The following SMIM19 variants were observed in gnomAD, a reference collection of about 807,000 sequenced individuals.
The protein encoded by SMIM19 is small integral membrane protein 19, also known as UPF0697 protein C8orf40.
In SMIM19, 6 loss-of-function variants were observed where a neutral mutation model predicts 13.2. The ratio of observed to expected loss-of-function variants is 0.45; its 90% confidence interval spans 0.25 to 0.90. The LOEUF (loss-of-function observed/expected upper bound fraction) is 0.90. SMIM19 is among the 40% of genes least tolerant of loss of function. The pLI, the probability that SMIM19 is intolerant of heterozygous loss-of-function variation, is 0.19. For missense variants in SMIM19, 138 were observed against 131.0 expected (o/e 1.05, Z -0.26); for synonymous variants, 46 against 43.1 (o/e 1.07, Z -0.27).
At chr8:42,546,408 T>C in intron 1 of SMIM19, 61 bp from the exon 2 acceptor site, 1 of 1,520,074 alleles carries the variant, frequency 6.6e-7, no homozygotes, top group Middle Eastern at 1.8e-4. Flanking sequence ...TGCCAACCCT[T>C]CTCCAGACAG....
At chr8:42,542,682 T>A (rs1413008507) in intron 1 of SMIM19, among the ~76,000 whole-genome samples, 2 of 151,972 alleles carry the variant, frequency 1.3e-5, no homozygotes, top group Non-Finnish European at 2.9e-5. Flanking sequence ...AGTTCTCGGC[T>A]GGGCACGGTG....
chr8:42,548,122 G>A (rs982009767), intron 2 of SMIM19, among the ~76,000 whole-genome samples: 2 of 152,148 alleles, frequency 1.3e-5, no homozygotes, highest in South Asian at 2.1e-4. Flanking sequence ...GCAGGTGACC[G>A]CTTTCCTCTA....
chr8:42,548,656 G>A lies in SMIM19; in HGVS notation c.135G>A (p.Arg45=), dbSNP rs767639510. 2 of 1,613,298 alleles carry A rather than the reference G, an allele frequency of 1.2e-6. No homozygotes were observed. Among genetic ancestry groups the A allele is most frequent in the African/African-American group, 1.3e-5 (1 of 74,876 alleles). The change falls in exon 3 of 4, where the codon AGG becomes AGA. Residue 45 remains arginine (R), a splice_region_variant and synonymous_variant. Coordinates refer to ENST00000417410, the MANE Select transcript of SMIM19 (RefSeq NM_001135674.2). ...TCTTCTGCATGGATTTTGTGTTTAG[G>A]AACAAAAGGAGAATTATGAGGATAT... is the stretch of plus-strand genomic sequence containing the variant. ...VSFGLFMYAK[R]NKRRIMRIFS...
At chr8:42,550,106 A>T (rs577925193) in intron 3 of SMIM19, among the ~76,000 whole-genome samples, 4 of 151,870 alleles carry the variant, frequency 2.6e-5, no homozygotes, top group East Asian at 1.9e-4. Flanking sequence ...TAAAAAAAAT[A>T]AAAAAAAGTA....
At chr8:42,550,534 C>A in intron 3 of SMIM19, among the ~76,000 whole-genome samples, 1 of 152,156 alleles carries the variant, frequency 6.6e-6, no homozygotes, top group East Asian at 1.9e-4. Context: ...ACAGTCCCTT[C>A]CTCCATCTGC....
Position 42,554,875 on chromosome 8 carries a change from A to G in SMIM19, c.*2267A>G, listed in dbSNP as rs1347808798. On this transcript the variant is annotated 3_prime_UTR_variant, in exon 4 of 4. Coordinates refer to ENST00000417410, the MANE Select transcript of SMIM19 (RefSeq NM_001135674.2). ...ATGTGTAAGATATTCAGCAGTAAGC[A>G]CTGGTCAGCCTGCCCTGGTGCACAG... The G allele has an allele frequency of 6.6e-6, 1 of 152,226 alleles. No homozygotes were observed. Among genetic ancestry groups the G allele is most frequent in the Non-Finnish European group, 1.5e-5 (1 of 68,034 alleles). 9.4% of individuals were successfully genotyped at this position (152,226 alleles called of 1,614,324 possible). A position where few individuals can be genotyped will look rare whatever the true frequency, so the allele number is the denominator to read the frequency against.
At chr8:42,549,440 A>G (rs1478793889) in intron 3 of SMIM19, among the ~76,000 whole-genome samples, 2 of 152,170 alleles carry the variant, frequency 1.3e-5, no homozygotes, top group African/African-American at 2.4e-5. Flanking sequence ...ACATTCTGAC[A>G]TGCTACACAT....
chr8:42,548,828 G>C, intron 3 of SMIM19, 48 bp downstream of exon 3: 1 of 1,536,504 alleles, frequency 6.5e-7, no homozygotes, highest in Non-Finnish European at 8.8e-7. Context: ...ATTTAAAATA[G>C]ATTTTCTGGA....
At chr8:42,542,787 C>T (rs1357677526) in intron 1 of SMIM19, among the ~76,000 whole-genome samples, 1 of 150,166 alleles carries the variant, frequency 6.7e-6, no homozygotes, top group African/African-American at 2.5e-5. Context: ...TATAGTGAGA[C>T]GACCCCCACC....
At position 42,548,258 on chromosome 8, in the gene SMIM19, C is replaced by G. The variant is rs933732090; in HGVS notation, c.135-398C>G. On this transcript the variant is annotated intron_variant, in intron 2 of 3. Coordinates refer to ENST00000417410, the MANE Select transcript of SMIM19 (RefSeq NM_001135674.2). ...AAGAAATATGTTTATTCATTACTTT[C>G]CAAAATTAGGATCTGCTCACATTCA... The G allele has an allele frequency of 1.9e-5, 7 of 367,264 alleles. No individual in the cohort carries two copies. The East Asian group carries it at 4.4e-4, about 23-fold the overall frequency. 22.8% of individuals were successfully genotyped at this position (367,264 alleles called of 1,614,324 possible). A position where few individuals can be genotyped will look rare whatever the true frequency, so the allele number is the denominator to read the frequency against.
chr8:42,548,665 G>A lies in SMIM19; in HGVS notation c.144G>A (p.Arg48=). The change falls in exon 3 of 4, where the codon AGG becomes AGA. Residue 48 remains arginine (R), a synonymous_variant. Transcript: ENST00000417410. ...TGGATTTTGTGTTTAGGAACAAAAG[G>A]AGAATTATGAGGATATTCAGTGTGC... ...GLFMYAKRNK[R]RIMRIFSVPP... is the part of the protein sequence containing the mutation. 1.2e-6 allele frequency: 2 copies of A among 1,613,578 alleles called. No homozygotes were observed. The highest frequency in any genetic ancestry group is 1.7e-6 in the Non-Finnish European group (2 of 1,179,822).
rs1299078203 is a variant in SMIM19 at position 42,554,172 on chromosome 8, A to G, written c.*1564A>G. ...GTACAAAGTGAATTGACCAAACAGA[A>G]TAATTCTTAACTCACAAAGGAGTTT... On this transcript the variant is annotated 3_prime_UTR_variant, in exon 4 of 4. Transcript: ENST00000417410. The G allele has an allele frequency of 1.3e-5, 2 of 152,236 alleles. No individual in the cohort carries two copies. Among genetic ancestry groups the G allele is most frequent in the Non-Finnish European group, 2.9e-5 (2 of 68,040 alleles). 9.4% of individuals were successfully genotyped at this position (152,236 alleles called of 1,614,324 possible).
intron 1 of SMIM19, among the ~76,000 whole-genome samples, chr8:42,545,788 C>T (rs1342779262): frequency 6.6e-6 from 1 of 152,184 alleles, no homozygotes; most frequent in Non-Finnish European, 1.5e-5. Flanking sequence ...CCTCGGCCTC[C>T]CAGAGTGCTG....
chr8:42,548,534 A>T lies in SMIM19; in HGVS notation c.135-122A>T, dbSNP rs116593047. On this transcript the variant is annotated intron_variant, in intron 2 of 3. Coordinates refer to ENST00000417410, the MANE Select transcript of SMIM19 (RefSeq NM_001135674.2). Reference sequence around the variant, plus strand: ...AAGCAGCTCTCAAAGACAAAATAGAAAGTAAAATGGTCTTGTCATTTAAGT... The same window carrying T: ...AAGCAGCTCTCAAAGACAAAATAGATAGTAAAATGGTCTTGTCATTTAAGT... 823 of 1,288,662 alleles carry T rather than the reference A, an allele frequency of 6.4e-4. 2 individuals are homozygous for T. In the African/African-American group the frequency reaches 0.011, roughly 17 times the overall value. The allele number at this position is 1,288,662 out of a possible 1,614,324, so 79.8% of individuals were successfully genotyped here. A position where few individuals can be genotyped will look rare whatever the true frequency, so the allele number is the denominator to read the frequency against.
chr8:42,541,855 A>T lies in SMIM19; in HGVS notation c.-523A>T, dbSNP rs370986676. 6.6e-6 allele frequency: 1 copy of T among 151,362 alleles called. No individual in the cohort carries two copies. Among genetic ancestry groups the T allele is most frequent in the East Asian group, 2.0e-4 (1 of 5,068 alleles). The allele number at this position is 151,362 out of a possible 1,614,324, so 9.4% of individuals were successfully genotyped here. ...GTCCCGTGCGGTCCCCGAAACTCCG[A>T]GCACCCGCCCGGTCCCGGCGCGGAG... On this transcript the variant is annotated 5_prime_UTR_variant, in exon 1 of 4. Transcript: ENST00000417410.
At chr8:42,552,513 T>C (rs780729392) in intron 3 of SMIM19, 31 bp from the exon 4 acceptor site, 13 of 1,610,876 alleles carry the variant, frequency 8.1e-6, no homozygotes, top group Non-Finnish European at 1.1e-5. Flanking sequence ...GTTTTATTAA[T>C]TTTATCTCTT....
chr8:42,546,650 A>C, intron 2 of SMIM19, 44 bp downstream of exon 2: 1 of 1,583,654 alleles, frequency 6.3e-7, no homozygotes, highest in Non-Finnish European at 8.6e-7. Flanking sequence ...GTGCATTTAC[A>C]AGTTTTGCTA....
At position 42,542,386 on chromosome 8, in the gene SMIM19, T is replaced by C. The variant is rs2974339; in HGVS notation, c.-5+13T>C. On this transcript the variant is annotated intron_variant, in intron 1 of 3. Coordinates refer to ENST00000417410, the MANE Select transcript of SMIM19 (RefSeq NM_001135674.2). Reference sequence around the variant, plus strand: ...GGCCTGTGAGCTTGTATGTACCCTTTGGCTTCAGAATACCAAGCCTTTAGT... The same window carrying C: ...GGCCTGTGAGCTTGTATGTACCCTTCGGCTTCAGAATACCAAGCCTTTAGT... 0.63 allele frequency: 612,716 copies of C among 970,794 alleles called. 195,575 individuals carry two copies. The highest frequency in any genetic ancestry group is 0.85 in the African/African-American group (48,481 of 56,960). 60.1% of individuals were successfully genotyped at this position (970,794 alleles called of 1,614,324 possible).
chr8:42,550,105 T>TA (rs981972952), intron 3 of SMIM19, among the ~76,000 whole-genome samples: 1 of 150,130 alleles, frequency 6.7e-6, no homozygotes, highest in African/African-American at 2.5e-5. Context: ...TTAAAAAAAA[T>TA]AAAAAAAAGT....
Sources: gnomAD v4.1 joint callset for allele counts (sites outside exome capture counted in the v4.1 genomes callset) on GRCh38, gnomAD v4.1.1 for gene constraint, MANE v1.5 for transcripts, NCBI Gene and HGNC (gene_info 2026-07-23, HGNC 2026-07-21) for gene names.